Variants in SYNPO2 observed in about 807,000 individuals in gnomAD.
SYNPO2 encodes synaptopodin 2.
SYNPO2 carries 56 observed loss-of-function variants against 85.0 expected under a neutral mutation model. The observed-to-expected ratio is 0.66, with a 90% CI of 0.53 to 0.82. SYNPO2 has a LOEUF of 0.82. Ranked by LOEUF, SYNPO2 falls within the 40% of genes least tolerant of loss-of-function variation. The pLI is 0.00. For synonymous variants in SYNPO2, 602 were observed against 591.1 expected (o/e 1.02, Z -0.27); for missense variants, 1,575 against 1,534.2 (o/e 1.03, Z -0.44).
chr4:119,003,524 A>G (rs1052799369), intron 1 of SYNPO2, among the ~76,000 whole-genome samples: 1 of 152,192 alleles, frequency 6.6e-6, no homozygotes, highest in East Asian at 1.9e-4. Context: ...CTACTCAGCT[A>G]TTCATTTCTG....
Position 118,900,691 on chromosome 4 carries a change from CTCTCTCTCTCTCTATATATATA to C in SYNPO2, c.105+11552_105+11573del, listed in dbSNP as rs1310895341. On this transcript the variant is annotated intron_variant, in intron 1 of 4. Coordinates refer to ENST00000307142, the MANE Select transcript of SYNPO2 (RefSeq NM_133477.3). ...TCTCTCTCTCTCTCTCTCTCTCTCT[CTCTCTCTCTCTCTATATATATA>C]TATATATATATATATATATGTCTGT... is the stretch of plus-strand genomic sequence containing the variant. Among the ~76,000 whole-genome samples, 341 of 51,422 alleles carry C rather than the reference CTCTCTCTCTCTCTATATATATA, an allele frequency of 6.6e-3. 1 individual carries two copies. The highest frequency in any genetic ancestry group is 0.011 in the Admixed American group (50 of 4,684). The allele number at this position is 51,422 out of a possible 152,430, so 33.7% of individuals were successfully genotyped here.
chr4:119,027,509 A>G, intron 3 of SYNPO2, 71 bp downstream of exon 3: 1 of 1,364,010 alleles, frequency 7.3e-7, no homozygotes, highest in Non-Finnish European at 9.7e-7. Context: ...TGCTTGCATG[A>G]GTTTTTCAGC....
chr4:118,959,637 G>T (rs1202687724), intron 1 of SYNPO2, among the ~76,000 whole-genome samples: 10 of 152,186 alleles, frequency 6.6e-5, no homozygotes, highest in Admixed American at 6.5e-4. Flanking sequence ...GAAGAAACAT[G>T]AACTAGAGGC....
intron 4 of SYNPO2, 136 bp from the exon 5 acceptor site, chr4:119,057,265 A>G: frequency 1.9e-6 from 2 of 1,050,350 alleles, no homozygotes; most frequent in East Asian, 2.8e-5. Flanking sequence ...AAGACTAAGC[A>G]TTCTGGGGGG....
At chr4:118,984,036 C>T (rs967075748) in intron 1 of SYNPO2, among the ~76,000 whole-genome samples, 3 of 152,220 alleles carry the variant, frequency 2.0e-5, no homozygotes, top group Admixed American at 1.3e-4. Flanking sequence ...AATCCCCCTT[C>T]TACATGCGTT....
chr4:118,879,303 G>A (rs1362763488), intron 1 of SYNPO2, among the ~76,000 whole-genome samples: 1 of 152,212 alleles, frequency 6.6e-6, no homozygotes, highest in East Asian at 1.9e-4. Context: ...TTCAGAGAGG[G>A]TTAGAGCTTC....
intron 1 of SYNPO2, among the ~76,000 whole-genome samples, chr4:118,914,398 A>G (rs115269704): frequency 8.3e-4 from 127 of 152,244 alleles, no homozygotes; most frequent in African/African-American, 3.0e-3. Flanking sequence ...GAGAAGACCA[A>G]TAATTAAAGT....
At chr4:118,958,289 G>A (rs551953169) in intron 1 of SYNPO2, among the ~76,000 whole-genome samples, 12 of 152,162 alleles carry the variant, frequency 7.9e-5, no homozygotes, top group African/African-American at 2.6e-4. Context: ...GGTTGGGGGC[G>A]GGGTGATTTA....
intron 1 of SYNPO2, among the ~76,000 whole-genome samples, chr4:118,859,148 A>G (rs1465288497): frequency 6.6e-6 from 1 of 152,252 alleles, no homozygotes. Context: ...TTTAGTATCA[A>G]TGTGCTAAAT....
intron 1 of SYNPO2, among the ~76,000 whole-genome samples, chr4:119,003,305 A>G (rs1373737808): frequency 6.6e-6 from 1 of 152,166 alleles, no homozygotes; most frequent in Admixed American, 6.5e-5. Flanking sequence ...ACATAAAACC[A>G]TCAGATCTCA....
At chr4:118,888,823 C>G, upstream of SYNPO2, 1 of 586,500 alleles carries the variant, frequency 1.7e-6, no homozygotes, top group Non-Finnish European at 3.0e-6. Context: ...CTGCGAGCGC[C>G]TCTGCCTCCT....
At chr4:118,957,117 A>T (rs774632123) in intron 1 of SYNPO2, among the ~76,000 whole-genome samples, 5 of 152,182 alleles carry the variant, frequency 3.3e-5, no homozygotes, top group Non-Finnish European at 7.4e-5. Context: ...TTGCATTATA[A>T]ACCCCAAGGG....
intron 1 of SYNPO2, among the ~76,000 whole-genome samples, chr4:119,001,404 A>G (rs1431438955): frequency 6.6e-6 from 1 of 152,236 alleles, no homozygotes; most frequent in Non-Finnish European, 1.5e-5. Context: ...ATTGTCCTTA[A>G]GTAGATACTC....
rs1738187668 is a variant in SYNPO2, at chr4:119,030,572, A to G, written c.1797A>G (p.Pro599=). The change falls in exon 4 of 5, where the codon CCA becomes CCG. Residue 599 remains proline, a synonymous_variant. Coordinates refer to ENST00000307142, the MANE Select transcript of SYNPO2 (RefSeq NM_133477.3). ...AKPFPGSVNQ[P]ATPFSPTRNM... is the part of the protein sequence containing the mutation. ...CCTTCCCAGGGTCTGTGAATCAGCC[A>G]GCTACCCCCTTCTCGCCAACCCGAA... 1 of 1,614,146 alleles carries G rather than the reference A, an allele frequency of 6.2e-7. No individual in the cohort carries two copies. Among genetic ancestry groups the G allele is most frequent in the Non-Finnish European group, 8.5e-7 (1 of 1,180,020 alleles).
rs185938628 is a variant in SYNPO2, at chr4:118,974,263, C to G, written c.106-49167C>G. ...AGAAAATCTCACACAGGTATTGTAT[C>G]TCAGGCCTTAGAGATTCCATACCTA... On this transcript the variant is annotated intron_variant, in intron 1 of 4. Coordinates refer to ENST00000307142, the MANE Select transcript of SYNPO2 (RefSeq NM_133477.3). 3.3e-4 allele frequency among the ~76,000 whole-genome samples: 51 copies of G among 152,338 alleles called. No individual in the cohort carries two copies. In the East Asian group the frequency reaches 5.8e-3, roughly 17 times the overall value.
chr4:118,870,232 C>T (rs556148972), intron 1 of SYNPO2, among the ~76,000 whole-genome samples: 1 of 152,308 alleles, frequency 6.6e-6, no homozygotes, highest in South Asian at 2.1e-4. Context: ...CTGCACTAGC[C>T]CACAAGGAAA....
intron 1 of SYNPO2, among the ~76,000 whole-genome samples, chr4:118,877,878 T>C (rs1731957380): frequency 6.6e-6 from 1 of 152,190 alleles, no homozygotes; most frequent in South Asian, 2.1e-4. Flanking sequence ...GGAATATAAA[T>C]TGTTCTACCA....
At chr4:118,976,466 C>T (rs574726994) in intron 1 of SYNPO2, among the ~76,000 whole-genome samples, 93 of 152,096 alleles carry the variant, frequency 6.1e-4, no homozygotes, top group Non-Finnish European at 2.1e-4. Flanking sequence ...TGGAAGGGGA[C>T]CCTAGCGGGT....
rs1731609228 is a variant in SYNPO2 at position 118,861,408 on chromosome 4, T to G, written c.12+10468T>G. ...CGATGGCCTTGATCTCCTGACCTTG[T>G]GTTCTGCCGGCCTCAGCCTCCCAAA... is the stretch of plus-strand genomic sequence containing the variant. On this transcript the variant is annotated intron_variant, in intron 1 of 4. Coordinates refer to the SYNPO2 transcript ENST00000610556. Among the ~76,000 whole-genome samples, 3 of 152,276 alleles carry G rather than the reference T, an allele frequency of 2.0e-5. No homozygotes were observed. The South Asian group carries it at 6.2e-4, about 32-fold the overall frequency.
Sources: gnomAD v4.1 joint callset for allele counts (sites outside exome capture counted in the v4.1 genomes callset) on GRCh38, gnomAD v4.1.1 for gene constraint, MANE v1.5 for transcripts, NCBI Gene and HGNC (gene_info 2026-07-23, HGNC 2026-07-21) for gene names.